Variants in PTPRD observed in about 807,000 individuals in gnomAD.
PTPRD encodes the protein protein tyrosine phosphatase receptor type D.
PTPRD carries 34 observed loss-of-function variants against 214.5 expected under a neutral mutation model. The ratio of observed to expected loss-of-function variants is 0.16; its 90% CI spans 0.12 to 0.21. The LOEUF (loss-of-function observed/expected upper bound fraction) is 0.21, where lower values mean the gene tolerates loss of function less well. Ranked by LOEUF, PTPRD falls within the 10% of genes least tolerant of loss-of-function variation. PTPRD has a pLI of 1.00. For missense variants in PTPRD, 2,545 were observed against 2,398.7 expected (o/e 1.06, Z -1.27); for synonymous variants, 1,128 against 845.7 (o/e 1.33, Z -5.79).
chr9:9,161,046 G>T (rs985291877), intron 10 of PTPRD, among the ~76,000 whole-genome samples: 2 of 152,124 alleles, frequency 1.3e-5, no homozygotes, highest in Non-Finnish European at 2.9e-5. Context: ...GGGGCAGGGG[G>T]TGGCAGGTGG....
intron 9 of PTPRD, among the ~76,000 whole-genome samples, chr9:9,241,856 T>C (rs2099970520): frequency 6.6e-6 from 1 of 152,052 alleles, no homozygotes; most frequent in Non-Finnish European, 1.5e-5. Flanking sequence ...TGAAGGGTAA[T>C]ATTGTTATGT....
intron 5 of PTPRD, among the ~76,000 whole-genome samples, chr9:9,811,331 C>T (rs998555053): frequency 1.3e-5 from 2 of 152,190 alleles, no homozygotes; most frequent in African/African-American, 4.8e-5. Flanking sequence ...ACTAGAACTA[C>T]AAGTGGAGCC....
intron 11 of PTPRD, among the ~76,000 whole-genome samples, chr9:8,742,445 G>A (rs116044992): frequency 6.6e-6 from 1 of 152,110 alleles, no homozygotes; most frequent in Non-Finnish European, 1.5e-5. Context: ...CAATATAACT[G>A]ATTTTGTCAT....
intron 2 of PTPRD, among the ~76,000 whole-genome samples, chr9:10,497,931 G>C (rs956699674): frequency 4.6e-5 from 7 of 151,946 alleles, no homozygotes; most frequent in African/African-American, 1.7e-4. Context: ...ACACTGGATT[G>C]CTTATCTAGT....
chr9:10,567,646 G>A (rs1312861188), intron 2 of PTPRD, among the ~76,000 whole-genome samples: 1 of 151,874 alleles, frequency 6.6e-6, no homozygotes, highest in African/African-American at 2.4e-5. Flanking sequence ...TAAAAATCAT[G>A]ACTCTCTGTA....
At chr9:9,405,779 T>C (rs993285114) in intron 8 of PTPRD, among the ~76,000 whole-genome samples, 49 of 152,034 alleles carry the variant, frequency 3.2e-4, no homozygotes. Context: ...CCCATTATCA[T>C]CATTGTTTCC....
At chr9:10,090,596 C>T (rs555521287) in intron 3 of PTPRD, among the ~76,000 whole-genome samples, 1 of 142,120 alleles carries the variant, frequency 7.0e-6, no homozygotes, top group African/African-American at 2.7e-5. Flanking sequence ...GCAAAATACT[C>T]ACTTGCAGCC....
At chr9:8,549,690 C>T (rs968253449) in intron 14 of PTPRD, among the ~76,000 whole-genome samples, 3 of 151,936 alleles carry the variant, frequency 2.0e-5, no homozygotes, top group African/African-American at 7.3e-5. Flanking sequence ...AAAATAAACA[C>T]AAGATATAAA....
At chr9:8,683,247 A>G (rs2097587446) in intron 12 of PTPRD, among the ~76,000 whole-genome samples, 9 of 152,218 alleles carry the variant, frequency 5.9e-5, no homozygotes, top group Admixed American at 5.9e-4. Flanking sequence ...CTTTGCATTC[A>G]TGATTTGACT....
chr9:9,636,548 G>T lies in PTPRD; in HGVS notation c.-286-61767C>A, dbSNP rs573893652. 1.2e-4 allele frequency among the ~76,000 whole-genome samples: 18 copies of T among 152,286 alleles called. No individual in the cohort carries two copies. In the South Asian group the frequency reaches 1.7e-3, roughly 14 times the overall value. On this transcript the variant is annotated intron_variant, in intron 7 of 45. Transcript: ENST00000381196. ...AATGAGATATAAGAAGAAATCTGAT[G>T]AGGGAATTCTGAGAATCTTATCACC...
At chr9:9,168,021 T>C (rs1164180885) in intron 10 of PTPRD, among the ~76,000 whole-genome samples, 1 of 152,206 alleles carries the variant, frequency 6.6e-6, no homozygotes, top group Non-Finnish European at 1.5e-5. Flanking sequence ...GATTTTTTTT[T>C]CCACCTTTGC....
At chr9:10,002,600 T>C (rs1337559369) in intron 4 of PTPRD, among the ~76,000 whole-genome samples, 1 of 150,834 alleles carries the variant, frequency 6.6e-6, no homozygotes. Flanking sequence ...AAGAAGAATA[T>C]TTTGTAATAA....
chr9:9,291,906 A>C (rs1009493564), intron 9 of PTPRD, among the ~76,000 whole-genome samples: 41 of 150,552 alleles, frequency 2.7e-4, no homozygotes, highest in East Asian at 2.0e-3. Flanking sequence ...ATATATATAT[A>C]TCTCAAATGA....
At chr9:9,142,589 G>C (rs1173874499) in intron 10 of PTPRD, among the ~76,000 whole-genome samples, 1 of 152,116 alleles carries the variant, frequency 6.6e-6, no homozygotes, top group Non-Finnish European at 1.5e-5. Flanking sequence ...TTTTCTAATA[G>C]TGTTCATTGC....
intron 3 of PTPRD, among the ~76,000 whole-genome samples, chr9:10,295,379 T>C (rs949757115): frequency 1.3e-5 from 2 of 152,114 alleles, no homozygotes; most frequent in Admixed American, 1.3e-4. Flanking sequence ...TGATTGCTTT[T>C]AGCACATGGA....
chr9:10,579,767 T>A (rs975827935), intron 2 of PTPRD, among the ~76,000 whole-genome samples: 3 of 152,192 alleles, frequency 2.0e-5, no homozygotes. Context: ...ACCTCACCAA[T>A]ATCTAATATT....
intron 36 of PTPRD, among the ~76,000 whole-genome samples, chr9:8,390,233 C>T (rs1239187242): frequency 1.3e-5 from 2 of 152,058 alleles, no homozygotes; most frequent in African/African-American, 4.8e-5. Flanking sequence ...CAATGGCTTC[C>T]CCTTATACTT....
At chr9:9,966,641 A>G (rs1395440904) in intron 4 of PTPRD, among the ~76,000 whole-genome samples, 1 of 152,186 alleles carries the variant, frequency 6.6e-6, no homozygotes, top group African/African-American at 2.4e-5. Flanking sequence ...AAACTGTTTT[A>G]GGAAAAAAGT....
intron 2 of PTPRD, among the ~76,000 whole-genome samples, chr9:10,348,997 G>C (rs758534755): frequency 1.5e-4 from 23 of 152,090 alleles, no homozygotes; most frequent in Non-Finnish European, 3.1e-4. Flanking sequence ...TGCAGGTACA[G>C]GGGACATAGG....
Sources: gnomAD v4.1 joint callset for allele counts (sites outside exome capture counted in the v4.1 genomes callset) on GRCh38, gnomAD v4.1.1 for gene constraint, MANE v1.5 for transcripts, NCBI Gene and HGNC (gene_info 2026-07-23, HGNC 2026-07-21) for gene names.